Variants in GRIA3 observed in about 807,000 individuals in gnomAD.
GRIA3 encodes glutamate receptor 3.
Under a neutral mutation model 63.0 loss-of-function variants are expected in GRIA3, and 3 were observed. The ratio of observed to expected loss-of-function variants is 0.05; its 90% CI spans 0.02 to 0.12. The LOEUF (loss-of-function observed/expected upper bound fraction) is 0.12. Ranked by LOEUF, GRIA3 falls within the 10% of genes least tolerant of loss-of-function variation. The pLI is 1.00. For missense variants in GRIA3, 347 were observed against 700.9 expected, an observed-to-expected ratio of 0.50 and a Z score of 5.70; for synonymous variants, 274 against 257.9, an observed-to-expected ratio of 1.06 and a Z score of -0.60.
chrX:123,393,361 C>T (rs976072183), intron 5 of GRIA3, among the ~76,000 whole-genome samples: 1 of 112,032 alleles, frequency 8.9e-6, no homozygotes, highest in African/African-American at 3.2e-5. Flanking sequence ...AAGCTATACA[C>T]GTAAAGATAT....
chrX:123,219,509 A>G (rs1039349080), intron 2 of GRIA3, among the ~76,000 whole-genome samples: 4 of 112,419 alleles, frequency 3.6e-5, no homozygotes, highest in Middle Eastern at 4.7e-3. Flanking sequence ...ATCGATCTAT[A>G]ATGTAAAGAA....
chrX:123,400,400 C>T (rs1395453960), intron 7 of GRIA3, among the ~76,000 whole-genome samples: 1 of 111,669 alleles, frequency 9.0e-6, no homozygotes. Flanking sequence ...GGCTGGAAGG[C>T]ATCTATTTTT....
intron 2 of GRIA3, among the ~76,000 whole-genome samples, chrX:123,187,232 G>T (rs1005159164): frequency 9.0e-6 from 1 of 111,715 alleles, no homozygotes; most frequent in Admixed American, 9.5e-5. Flanking sequence ...CTCTCCAAGG[G>T]CACAGGTTTC....
intron 10 of GRIA3, among the ~76,000 whole-genome samples, chrX:123,413,965 G>A (rs141577000): frequency 9.8e-5 from 11 of 112,104 alleles, no homozygotes; most frequent in African/African-American, 1.3e-4. Context: ...AGGAAAGCAC[G>A]TACATAGTGC....
chrX:123,315,954 T>C (rs1045353203), intron 3 of GRIA3, among the ~76,000 whole-genome samples: 4 of 107,499 alleles, frequency 3.7e-5, no homozygotes, highest in Non-Finnish European at 5.7e-5. Flanking sequence ...GGCAGGTGGA[T>C]TGCTTGAGCC....
chrX:123,415,993 G>A (rs2045534860), intron 10 of GRIA3, among the ~76,000 whole-genome samples: 1 of 111,775 alleles, frequency 8.9e-6, no homozygotes, highest in Non-Finnish European at 1.9e-5. Context: ...TTAAGCAACT[G>A]GGTTCTGGAA....
intron 2 of GRIA3, among the ~76,000 whole-genome samples, chrX:123,197,777 A>G (rs1202791816): frequency 8.9e-6 from 1 of 111,889 alleles, no homozygotes; most frequent in Non-Finnish European, 1.9e-5. Flanking sequence ...GCACATCCCA[A>G]CTCTTCCACT....
At chrX:123,389,032 T>G (rs1465104133) in intron 5 of GRIA3, among the ~76,000 whole-genome samples, 2 of 112,465 alleles carry the variant, frequency 1.8e-5, no homozygotes, top group East Asian at 2.8e-4. Context: ...GTTTCCAAAG[T>G]TCCTCTTGTT....
At chrX:123,197,922 T>G (rs751298623) in intron 2 of GRIA3, among the ~76,000 whole-genome samples, 32 of 112,232 alleles carry the variant, frequency 2.9e-4, no homozygotes, top group African/African-American at 9.4e-4. Flanking sequence ...CACAAATGCA[T>G]GTAAACACTT....
At chrX:123,394,541 GC>G (rs2045403357) in intron 5 of GRIA3, among the ~76,000 whole-genome samples, 1 of 112,441 alleles carries the variant, frequency 8.9e-6, no homozygotes, top group South Asian at 3.7e-4. Context: ...AGAATCTGAA[GC>G]AATCCACTGT....
chrX:123,409,261 GA>G (rs1286873577), intron 10 of GRIA3, among the ~76,000 whole-genome samples: 1 of 111,873 alleles, frequency 8.9e-6, no homozygotes, highest in African/African-American at 3.2e-5. Flanking sequence ...TGGAAAGAAT[GA>G]AAAAAATCAG....
chrX:123,458,306 A>AAAT (rs1404650350), intron 12 of GRIA3, among the ~76,000 whole-genome samples: 1 of 109,418 alleles, frequency 9.1e-6, no homozygotes, highest in Non-Finnish European at 1.9e-5. Context: ...TTGCAAAGCA[A>AAAT]AATAATCAGT....
At chrX:123,328,580 T>A (rs1353288618) in intron 4 of GRIA3, among the ~76,000 whole-genome samples, 1 of 112,261 alleles carries the variant, frequency 8.9e-6, no homozygotes, top group Non-Finnish European at 1.9e-5. Flanking sequence ...GTGTTCTTAC[T>A]AGGCCATAAA....
At chrX:123,250,013 T>C (rs898368034) in intron 2 of GRIA3, among the ~76,000 whole-genome samples, 2 of 112,022 alleles carry the variant, frequency 1.8e-5, no homozygotes, top group African/African-American at 6.5e-5. Flanking sequence ...TCCCTTGATA[T>C]AAAGCTTTAA....
intron 15 of GRIA3, among the ~76,000 whole-genome samples, chrX:123,485,745 C>T (rs920993700): frequency 8.0e-5 from 9 of 111,828 alleles, no homozygotes; most frequent in East Asian, 2.8e-4. Flanking sequence ...TCTTTATCAA[C>T]GATTCCATCT....
In GRIA3 at chrX:123,299,584, C is replaced by G. The variant is rs749441858; in HGVS notation, c.509-26442C>G. Among the ~76,000 whole-genome samples, 166 of 111,608 alleles carry G rather than the reference C, an allele frequency of 1.5e-3. 1 individual carries two copies. The highest frequency in any genetic ancestry group is 2.8e-3 in the Non-Finnish European group (147 of 53,001). ...AATTTTTGCACATGGATTTTGTATC[C>G]TGAGACTTTGCTGAAGTTGCTTATC... On this transcript the variant is annotated intron_variant, in intron 3 of 15. Coordinates refer to ENST00000620443, the MANE Select transcript of GRIA3 (RefSeq NM_007325.5).
At chrX:123,406,452 G>A (rs1470853387) in intron 10 of GRIA3, among the ~76,000 whole-genome samples, 1 of 111,825 alleles carries the variant, frequency 8.9e-6, no homozygotes, top group Non-Finnish European at 1.9e-5. Flanking sequence ...CAAGAATAAG[G>A]TATAGCTCTC....
chrX:123,334,297 T>C (rs2044960080), intron 4 of GRIA3, among the ~76,000 whole-genome samples: 1 of 111,339 alleles, frequency 9.0e-6, no homozygotes, highest in South Asian at 3.8e-4. Flanking sequence ...CAAAGATATT[T>C]ATCCTAGGAG....
At chrX:123,317,022 G>A (rs2044835886) in intron 3 of GRIA3, among the ~76,000 whole-genome samples, 1 of 111,607 alleles carries the variant, frequency 9.0e-6, no homozygotes, top group East Asian at 2.8e-4. Context: ...ACATGGCTGG[G>A]GAGGCCTCAG....
Sources: gnomAD v4.1 joint callset for allele counts (sites outside exome capture counted in the v4.1 genomes callset) on GRCh38, gnomAD v4.1.1 for gene constraint, MANE v1.5 for transcripts, NCBI Gene and HGNC (gene_info 2026-07-23, HGNC 2026-07-21) for gene names.